The following NYAP2 variants were observed in gnomAD, a reference collection of about 807,000 sequenced individuals.
NYAP2 encodes the protein neuronal tyrosine-phosphorylated phosphoinositide-3-kinase adaptor 2.
In NYAP2, 23 loss-of-function variants were observed where a neutral mutation model predicts 50.4. That is an observed-to-expected ratio of 0.46 (90% CI 0.33 to 0.65). The LOEUF (loss-of-function observed/expected upper bound fraction) is 0.65. NYAP2 is among the 30% of genes least tolerant of loss of function. The probability of loss-of-function intolerance (pLI) is 0.02; values close to 1 mark genes in which losing one functional copy is unlikely to be tolerated. For synonymous variants in NYAP2, 394 were observed against 365.2 expected (o/e 1.08, Z -0.90); for missense variants, 885 against 861.0 (o/e 1.03, Z -0.35).
At chr2:225,548,886 ATTT>A (rs11346817) in intron 4 of NYAP2, among the ~76,000 whole-genome samples, 1 of 146,594 alleles carries the variant, frequency 6.8e-6, no homozygotes. Context: ...GAATGCAGCA[ATTT>A]TTTTTTTTTT....
At chr2:225,561,164 A>G (rs1691865308) in intron 4 of NYAP2, among the ~76,000 whole-genome samples, 3 of 152,090 alleles carry the variant, frequency 2.0e-5, no homozygotes, top group Admixed American at 6.6e-5. Context: ...TAAATAAGTA[A>G]TTAGGGGGAC....
intron 5 of NYAP2, among the ~76,000 whole-genome samples, chr2:225,620,090 A>G (rs775138613): frequency 5.9e-5 from 9 of 152,234 alleles, no homozygotes; most frequent in Non-Finnish European, 1.2e-4. Flanking sequence ...CACAGTATGT[A>G]AGATTGATCT....
chr2:225,560,879 G>T (rs1196324823), intron 4 of NYAP2, among the ~76,000 whole-genome samples: 1 of 149,138 alleles, frequency 6.7e-6, no homozygotes, highest in Non-Finnish European at 1.5e-5. Flanking sequence ...AAATAAATTT[G>T]CTGTAGAAGT....
At chr2:225,660,494 C>G in the NYAP2 span, among the ~76,000 whole-genome samples, 9 of 139,394 alleles carry the variant, frequency 6.5e-5, no homozygotes, top group Non-Finnish European at 1.2e-4. Flanking sequence ...ATTCCACATA[C>G]CAGTTTTAAA....
At chr2:225,623,315 T>C (rs1362853549) in intron 5 of NYAP2, among the ~76,000 whole-genome samples, 1 of 152,204 alleles carries the variant, frequency 6.6e-6, no homozygotes, top group African/African-American at 2.4e-5. Flanking sequence ...ATGTAATGAA[T>C]TGCAACCTAA....
chr2:225,585,373 A>G (rs1401312037), intron 5 of NYAP2, among the ~76,000 whole-genome samples: 1 of 152,250 alleles, frequency 6.6e-6, no homozygotes, highest in Non-Finnish European at 1.5e-5. Flanking sequence ...CTAGAAAAAA[A>G]AAGTATATGT....
intron 3 of NYAP2, among the ~76,000 whole-genome samples, chr2:225,484,540 A>T (rs1690258019): frequency 6.6e-6 from 1 of 152,246 alleles, no homozygotes; most frequent in South Asian, 2.1e-4. Flanking sequence ...CAGAGATTAA[A>T]TTACTTACCA....
the NYAP2 span, among the ~76,000 whole-genome samples, chr2:225,692,629 G>A: frequency 6.6e-6 from 1 of 151,852 alleles, no homozygotes. Flanking sequence ...AAATGTATAT[G>A]TGAAGCATAT....
intron 6 of NYAP2, among the ~76,000 whole-genome samples, chr2:225,641,456 CACACACACACACAA>C (rs1693531452): frequency 6.9e-6 from 1 of 144,408 alleles, no homozygotes; most frequent in African/African-American, 2.6e-5. Flanking sequence ...CACACACACA[CACACACACACACAA>C]ACACACACAC....
At chr2:225,612,229 A>AT (rs946945853) in intron 5 of NYAP2, among the ~76,000 whole-genome samples, 5 of 150,958 alleles carry the variant, frequency 3.3e-5, no homozygotes, top group Admixed American at 2.7e-4. Context: ...TCCACATCTC[A>AT]TTATACCACT....
intron 3 of NYAP2, among the ~76,000 whole-genome samples, chr2:225,409,733 C>A (rs989055190): frequency 6.6e-6 from 1 of 151,996 alleles, no homozygotes; most frequent in Non-Finnish European, 1.5e-5. Flanking sequence ...GTTAAATTTC[C>A]TAGAGCGCTG....
At chr2:225,540,921 A>C (rs1203790066) in intron 4 of NYAP2, among the ~76,000 whole-genome samples, 3 of 151,962 alleles carry the variant, frequency 2.0e-5, no homozygotes, top group Non-Finnish European at 4.4e-5. Flanking sequence ...ATGAGGGTTC[A>C]TTTTTTTCCA....
intron 3 of NYAP2, among the ~76,000 whole-genome samples, chr2:225,420,772 G>A (rs1295656295): frequency 2.7e-5 from 4 of 150,736 alleles, no homozygotes; most frequent in Non-Finnish European, 4.4e-5. Flanking sequence ...CACCATACCC[G>A]GCTAATTTTT....
At chr2:225,482,433 G>A (rs1690222292) in intron 3 of NYAP2, among the ~76,000 whole-genome samples, 1 of 152,074 alleles carries the variant, frequency 6.6e-6, no homozygotes, top group Admixed American at 6.6e-5. Context: ...TGTTGCCACT[G>A]TTTCATCAAA....
intron 3 of NYAP2, among the ~76,000 whole-genome samples, chr2:225,452,913 G>A (rs1689677500): frequency 6.6e-6 from 1 of 152,098 alleles, no homozygotes; most frequent in Non-Finnish European, 1.5e-5. Flanking sequence ...GTAACCAAAT[G>A]CCTGTTTCAA....
intron 4 of NYAP2, among the ~76,000 whole-genome samples, chr2:225,520,772 A>G (rs1691039000): frequency 6.6e-6 from 1 of 152,156 alleles, no homozygotes; most frequent in South Asian, 2.1e-4. Flanking sequence ...TTTTGGTTCC[A>G]TATGAACTTT....
At chr2:225,402,235 T>A (rs956417372) in intron 2 of NYAP2, among the ~76,000 whole-genome samples, 2 of 152,038 alleles carry the variant, frequency 1.3e-5, no homozygotes, top group East Asian at 3.9e-4. Flanking sequence ...CCTGAGGACT[T>A]GAAGCATCTG....
intron 4 of NYAP2, among the ~76,000 whole-genome samples, chr2:225,576,978 C>G (rs983284010): frequency 2.0e-5 from 3 of 151,788 alleles, no homozygotes; most frequent in African/African-American, 7.3e-5. Flanking sequence ...CCTCTTGGGT[C>G]AAGAACACCT....
rs534457692 is a variant in NYAP2 at position 225,547,819 on chromosome 2, G to C, written c.524-34122G>C. On this transcript the variant is annotated intron_variant, in intron 4 of 6. Transcript: ENST00000636099. ...TTAGTTCTTATGAAGGTGCTATTTT[G>C]TGTGTAGACAGTTGTTACATTTGTT... Among the ~76,000 whole-genome samples the C allele has an allele frequency of 3.9e-5, 6 of 152,248 alleles. No homozygotes were observed. The South Asian group carries it at 1.2e-3, about 32-fold the overall frequency.
Sources: gnomAD v4.1 joint callset for allele counts (sites outside exome capture counted in the v4.1 genomes callset) on GRCh38, gnomAD v4.1.1 for gene constraint, MANE v1.5 for transcripts, NCBI Gene and HGNC (gene_info 2026-07-23, HGNC 2026-07-21) for gene names.